Variants in MACROD2 observed in about 807,000 individuals in gnomAD.
MACROD2 encodes the protein ADP-ribose glycohydrolase MACROD2.
Under a neutral mutation model 70.4 loss-of-function variants are expected in MACROD2, and 36 were observed. That is an observed-to-expected ratio of 0.51 (90% CI 0.39 to 0.68). The LOEUF (loss-of-function observed/expected upper bound fraction) is 0.68. MACROD2 is among the 30% of genes least tolerant of loss of function. The pLI is 0.00. For synonymous variants in MACROD2, 172 were observed against 178.8 expected (o/e 0.96, Z 0.30); for missense variants, 496 against 538.4 (o/e 0.92, Z 0.78).
chr20:15,130,921 A>G (rs1437571689), intron 5 of MACROD2, among the ~76,000 whole-genome samples: 1 of 152,102 alleles, frequency 6.6e-6, no homozygotes, highest in African/African-American at 2.4e-5. Context: ...ATTGATTCCC[A>G]ATAAAGTGAA....
rs141745976 is a variant in MACROD2, at chr20:14,843,603, C to G, written c.418+158644C>G. On this transcript the variant is annotated intron_variant, in intron 5 of 17. Transcript: ENST00000684519. ...TATGCTACAGGAGTTTTGATTTGTT[C>G]ATGAATTTATTTTTATTTTCCTACA... 1.9e-3 allele frequency among the ~76,000 whole-genome samples: 282 copies of G among 152,164 alleles called. 1 individual carries two copies. Among genetic ancestry groups the G allele is most frequent in the African/African-American group, 6.3e-3 (263 of 41,544 alleles).
At chr20:15,073,725 C>T (rs2075636692) in intron 5 of MACROD2, among the ~76,000 whole-genome samples, 1 of 152,104 alleles carries the variant, frequency 6.6e-6, no homozygotes, top group African/African-American at 2.4e-5. Flanking sequence ...GTCTTGGCCT[C>T]AGTTTTTCAC....
chr20:15,783,148 T>G (rs2051864090), intron 8 of MACROD2, among the ~76,000 whole-genome samples: 1 of 152,168 alleles, frequency 6.6e-6, no homozygotes, highest in South Asian at 2.1e-4. Context: ...CTATTGAGGA[T>G]GACAAGTCTA....
At chr20:14,023,969 G>T (rs1200082334) in intron 2 of MACROD2, among the ~76,000 whole-genome samples, 1 of 152,112 alleles carries the variant, frequency 6.6e-6, no homozygotes, top group Non-Finnish European at 1.5e-5. Context: ...GGATGGTATT[G>T]AATCTATAAA....
intron 7 of MACROD2, among the ~76,000 whole-genome samples, chr20:15,434,340 A>T (rs1290487993): frequency 6.6e-6 from 1 of 151,896 alleles, no homozygotes; most frequent in African/African-American, 2.4e-5. Flanking sequence ...AGAAAAAAAA[A>T]ATCCCATAAA....
At chr20:15,664,711 T>A (rs1470248252) in intron 8 of MACROD2, among the ~76,000 whole-genome samples, 2 of 152,132 alleles carry the variant, frequency 1.3e-5, no homozygotes, top group Admixed American at 1.3e-4. Flanking sequence ...GTTGCTCTTT[T>A]TTCATGGTGT....
intron 8 of MACROD2, among the ~76,000 whole-genome samples, chr20:15,532,073 G>C (rs975496767): frequency 6.6e-6 from 1 of 151,988 alleles, no homozygotes; most frequent in South Asian, 2.1e-4. Flanking sequence ...TAAGAACTTA[G>C]TATATGTAGT....
chr20:15,816,115 A>G (rs1158460352), intron 8 of MACROD2, among the ~76,000 whole-genome samples: 2 of 152,066 alleles, frequency 1.3e-5, no homozygotes, highest in East Asian at 3.9e-4. Flanking sequence ...TACATCACAT[A>G]TATGATCCTA....
intron 4 of MACROD2, among the ~76,000 whole-genome samples, chr20:14,539,356 A>G (rs527417705): frequency 6.6e-6 from 1 of 152,204 alleles, no homozygotes; most frequent in Non-Finnish European, 1.5e-5. Flanking sequence ...AGAATTTTAG[A>G]AATACCTTCT....
intron 5 of MACROD2, among the ~76,000 whole-genome samples, chr20:14,856,837 A>G (rs1336015857): frequency 6.6e-6 from 1 of 152,080 alleles, no homozygotes; most frequent in East Asian, 1.9e-4. Context: ...CATCACCACA[A>G]TTGTATGGAT....
intron 7 of MACROD2, among the ~76,000 whole-genome samples, chr20:15,442,852 T>C (rs2046514127): frequency 6.6e-6 from 1 of 152,182 alleles, no homozygotes; most frequent in African/African-American, 2.4e-5. Context: ...TTGGTAATTT[T>C]GATAGCATAT....
rs115440205 is a variant in MACROD2, at chr20:15,624,956, T to A, written c.645+125109T>A. 5.6e-3 allele frequency among the ~76,000 whole-genome samples: 850 copies of A among 152,340 alleles called. 8 individuals carry two copies. Among genetic ancestry groups the A allele is most frequent in the African/African-American group, 0.019 (794 of 41,578 alleles). ...GTAATTTTTAATATCTTGTTATTATTTCTAGAAGTCTTTTTGGTATGGTTC... is the reference window on the plus strand; with the variant it reads ...GTAATTTTTAATATCTTGTTATTATATCTAGAAGTCTTTTTGGTATGGTTC... On this transcript the variant is annotated intron_variant, in intron 8 of 17. Coordinates refer to ENST00000684519, the MANE Select transcript of MACROD2 (RefSeq NM_001351661.2).
chr20:15,424,922 GC>G (rs2046277950), intron 6 of MACROD2, among the ~76,000 whole-genome samples: 1 of 152,220 alleles, frequency 6.6e-6, no homozygotes, highest in Non-Finnish European at 1.5e-5. Context: ...CTGGGCAACT[GC>G]CATCCCTTGA....
intron 4 of MACROD2, among the ~76,000 whole-genome samples, chr20:14,616,932 A>G (rs1217876215): frequency 1.3e-5 from 2 of 152,132 alleles, no homozygotes; most frequent in Non-Finnish European, 2.9e-5. Context: ...TTTTGATTCT[A>G]AAACCTTGGG....
chr20:14,186,917 T>C (rs1003771388), intron 3 of MACROD2, among the ~76,000 whole-genome samples: 4 of 151,910 alleles, frequency 2.6e-5, no homozygotes, highest in African/African-American at 9.7e-5. Context: ...GACATAAAGA[T>C]AGGAGCAGTA....
At chr20:15,564,092 G>A (rs942817620) in intron 8 of MACROD2, among the ~76,000 whole-genome samples, 5 of 152,088 alleles carry the variant, frequency 3.3e-5, no homozygotes, top group South Asian at 2.1e-4. Context: ...TGTGTGACAC[G>A]CTAGAAGAAT....
At chr20:15,660,681 G>A (rs1181930225) in intron 8 of MACROD2, among the ~76,000 whole-genome samples, 2 of 152,034 alleles carry the variant, frequency 1.3e-5, no homozygotes, top group South Asian at 2.1e-4. Context: ...GCTAAAATGT[G>A]TGTAATGTCA....
intron 5 of MACROD2, among the ~76,000 whole-genome samples, chr20:14,740,447 A>G (rs1350348455): frequency 6.6e-6 from 1 of 152,232 alleles, no homozygotes; most frequent in East Asian, 1.9e-4. Context: ...TAAGTGGCAA[A>G]TCTTTTCCTT....
intron 5 of MACROD2, among the ~76,000 whole-genome samples, chr20:14,978,800 G>A (rs2074767238): frequency 6.7e-6 from 1 of 148,868 alleles, no homozygotes; most frequent in Admixed American, 6.7e-5. Flanking sequence ...TCTCTCTCTA[G>A]TTGGATAAAA....
Sources: gnomAD v4.1 joint callset for allele counts (sites outside exome capture counted in the v4.1 genomes callset) on GRCh38, gnomAD v4.1.1 for gene constraint, MANE v1.5 for transcripts, NCBI Gene and HGNC (gene_info 2026-07-23, HGNC 2026-07-21) for gene names.